The following DGKB variants were observed in gnomAD, a reference collection of about 807,000 sequenced individuals.
The protein encoded by DGKB is 90 kDa diacylglycerol kinase.
In DGKB, 67 loss-of-function variants were observed where a neutral mutation model predicts 114.3. The observed-to-expected ratio is 0.59, with a 90% confidence interval of 0.48 to 0.72. The LOEUF (loss-of-function observed/expected upper bound fraction) is 0.72. Among genes scored for constraint, DGKB ranks in the 30% least tolerant of loss-of-function variants. The probability of loss-of-function intolerance (pLI) is 0.00; values close to 1 mark genes in which losing one functional copy is unlikely to be tolerated. For missense variants in DGKB, 907 were observed against 975.2 expected, an observed-to-expected ratio of 0.93 and a Z score of 0.93; for synonymous variants, 398 against 323.1, an observed-to-expected ratio of 1.23 and a Z score of -2.49.
At chr7:14,267,511 C>T (rs1026180230) in intron 23 of DGKB, among the ~76,000 whole-genome samples, 10 of 148,864 alleles carry the variant, frequency 6.7e-5, no homozygotes, top group South Asian at 4.2e-4. Flanking sequence ...TTTTTTGAGA[C>T]GGAGTCTGGC....
intron 2 of DGKB, among the ~76,000 whole-genome samples, chr7:14,825,010 GTGTA>G (rs1257930307): frequency 6.6e-5 from 5 of 75,470 alleles, no homozygotes; most frequent in South Asian, 9.9e-4. Context: ...ATATATGTAT[GTGTA>G]TGTATATATA....
chr7:14,622,188 T>G (rs1284153480), intron 14 of DGKB, among the ~76,000 whole-genome samples: 2 of 152,148 alleles, frequency 1.3e-5, no homozygotes, highest in Non-Finnish European at 2.9e-5. Flanking sequence ...TTCAGCAGCA[T>G]CTGACAGAAT....
intron 21 of DGKB, among the ~76,000 whole-genome samples, chr7:14,461,502 A>G (rs1426082135): frequency 6.6e-6 from 1 of 152,202 alleles, no homozygotes; most frequent in Non-Finnish European, 1.5e-5. Flanking sequence ...TAGAAAATCT[A>G]GAAGAAACGG....
chr7:14,689,199 A>ATTTATTTTTTTTTTTT (rs1822291187), intron 9 of DGKB, among the ~76,000 whole-genome samples: 1 of 76,566 alleles, frequency 1.3e-5, no homozygotes, highest in East Asian at 7.0e-4. Context: ...AACTCCTCTT[A>ATTTATTTTTTTTTTTT]TTTTTTTTTT....
At chr7:14,273,206 C>T (rs1389335208) in intron 23 of DGKB, among the ~76,000 whole-genome samples, 1 of 151,928 alleles carries the variant, frequency 6.6e-6, no homozygotes, top group Non-Finnish European at 1.5e-5. Flanking sequence ...ATTAGCTGGG[C>T]ATGGTGGGGC....
chr7:14,826,713 C>T (rs116535279), intron 2 of DGKB, among the ~76,000 whole-genome samples: 6 of 152,096 alleles, frequency 3.9e-5, no homozygotes, highest in African/African-American at 1.4e-4. Context: ...ATTTCCTCAT[C>T]GGAAAAATGG....
At chr7:14,318,375 G>C (rs1053186943) in intron 23 of DGKB, among the ~76,000 whole-genome samples, 1 of 151,886 alleles carries the variant, frequency 6.6e-6, no homozygotes, top group Non-Finnish European at 1.5e-5. Context: ...GAAAATTTTC[G>C]CAACCTACTC....
intron 23 of DGKB, among the ~76,000 whole-genome samples, chr7:14,281,154 G>T (rs1042655987): frequency 5.3e-5 from 8 of 150,468 alleles, no homozygotes; most frequent in African/African-American, 9.8e-5. Flanking sequence ...CAAAATAAAA[G>T]GATGGAGGAA....
intron 21 of DGKB, among the ~76,000 whole-genome samples, chr7:14,438,972 A>G (rs753873562): frequency 7.5e-5 from 11 of 146,394 alleles, no homozygotes; most frequent in African/African-American, 9.9e-5. Context: ...AAATTATATT[A>G]TAATGGGGGA....
intron 23 of DGKB, among the ~76,000 whole-genome samples, chr7:14,200,076 T>C (rs998279748): frequency 6.6e-6 from 1 of 152,052 alleles, no homozygotes; most frequent in Admixed American, 6.6e-5. Context: ...AACATGCCAC[T>C]GCATAGAGGT....
chr7:14,704,279 CAAAAAAA>C (rs59838670), intron 6 of DGKB, among the ~76,000 whole-genome samples: 101 of 103,592 alleles, frequency 9.7e-4, no homozygotes, highest in Non-Finnish European at 4.9e-4. Flanking sequence ...ACTAAAAATA[CAAAAAAA>C]AAAAAAAAAA....
intron 23 of DGKB, among the ~76,000 whole-genome samples, chr7:14,309,937 G>A (rs1805093818): frequency 6.6e-6 from 1 of 152,166 alleles, no homozygotes; most frequent in African/African-American, 2.4e-5. Flanking sequence ...AGTAGCTAAT[G>A]GATATGGAAG....
intron 23 of DGKB, among the ~76,000 whole-genome samples, chr7:14,259,407 C>CTATATA (rs71975347): frequency 2.8e-5 from 3 of 108,168 alleles, no homozygotes; most frequent in South Asian, 2.9e-4. Context: ...CTCTCTCTCT[C>CTATATA]TATATATATA....
chr7:14,422,319 A>C (rs1826841421), intron 21 of DGKB, among the ~76,000 whole-genome samples: 1 of 152,104 alleles, frequency 6.6e-6, no homozygotes, highest in Non-Finnish European at 1.5e-5. Context: ...TTCTGAAGTT[A>C]ACTTTTTTGT....
chr7:14,682,589 G>A lies in DGKB; in HGVS notation c.999C>T (p.Gly333=). The A allele has an allele frequency of 5.0e-6, 8 of 1,613,388 alleles. No homozygotes were observed. The highest frequency in any genetic ancestry group is 5.1e-6 in the Non-Finnish European group (6 of 1,179,464). Residue 333 remains glycine (G), a synonymous_variant, in exon 12 of 26, where the codon GGC becomes GGT. Transcript: ENST00000402815. ...ACCAAACACAATGCAGTCCTGTCAG[G>A]CCCTGGTAACATTTAACAGTTTTGT... The part of the protein sequence containing the change: ...KCHKTVKCYQ[G]LTGLHCVWCQ...
chr7:14,654,756 G>A (rs1472354738), intron 13 of DGKB, among the ~76,000 whole-genome samples: 2 of 151,798 alleles, frequency 1.3e-5, no homozygotes, highest in Non-Finnish European at 2.9e-5. Context: ...TTTGACATAG[G>A]CTCTAAGAAC....
chr7:14,506,268 C>G (rs1787043171), intron 20 of DGKB, among the ~76,000 whole-genome samples: 1 of 152,086 alleles, frequency 6.6e-6, no homozygotes, highest in African/African-American at 2.4e-5. Flanking sequence ...GTTGTCTTGA[C>G]TCAACAGAGC....
At chr7:14,398,633 T>C (rs1390963622) in intron 21 of DGKB, among the ~76,000 whole-genome samples, 2 of 151,992 alleles carry the variant, frequency 1.3e-5, no homozygotes, top group Non-Finnish European at 2.9e-5. Flanking sequence ...AAAGATTTAG[T>C]AGTAACTTTA....
intron 20 of DGKB, among the ~76,000 whole-genome samples, chr7:14,505,041 G>A (rs1481998045): frequency 6.6e-6 from 1 of 152,158 alleles, no homozygotes; most frequent in East Asian, 1.9e-4. Flanking sequence ...GCTCTACGGT[G>A]CTATCTCTTA....
Sources: gnomAD v4.1 joint callset for allele counts (sites outside exome capture counted in the v4.1 genomes callset) on GRCh38, gnomAD v4.1.1 for gene constraint, MANE v1.5 for transcripts, NCBI Gene and HGNC (gene_info 2026-07-23, HGNC 2026-07-21) for gene names.